AFAP1L2: variants seen among roughly 807,000 people sequenced by gnomAD.
The protein encoded by AFAP1L2 is actin filament associated protein 1 like 2.
In AFAP1L2, 46 loss-of-function variants were observed where a neutral mutation model predicts 99.3. The ratio of observed to expected loss-of-function variants is 0.46; its 90% CI spans 0.37 to 0.59. The LOEUF is 0.59. Ranked by LOEUF, AFAP1L2 falls within the 20% of genes least tolerant of loss-of-function variation. The pLI is 0.00. For missense variants in AFAP1L2, 959 were observed against 1,034.9 expected (o/e 0.93, Z 1.01); for synonymous variants, 397 against 419.1 (o/e 0.95, Z 0.64).
Position 114,300,602 on chromosome 10 carries a change from T to G in AFAP1L2, c.1631A>C (p.Lys544Thr). The change falls in exon 14 of 19, where the codon AAG becomes ACG. Residue 544 changes from lysine (K) to threonine (T), a missense_variant. Physicochemically the swap from Lys to Thr is moderately conservative, Grantham distance 78. Coordinates refer to ENST00000304129, the MANE Select transcript of AFAP1L2 (RefSeq NM_001001936.3). The stretch of plus-strand genomic sequence containing the variant: ...ACTGCTGGGGCCATGCAGAAAGGAC[T>G]TGACAGGTGTGAGGTCCAGGTACAC... ...DRVYLDLTPV[K>T]SFLHGPSSAQ... The G allele has an allele frequency of 6.2e-7, 1 of 1,614,180 alleles. No homozygotes were observed. Among genetic ancestry groups the G allele is most frequent in the Non-Finnish European group, 8.5e-7 (1 of 1,180,026 alleles).
the AFAP1L2 span, among the ~76,000 whole-genome samples, chr10:114,283,166 T>C: frequency 1.3e-5 from 2 of 152,210 alleles, no homozygotes; most frequent in Non-Finnish European, 2.9e-5. Flanking sequence ...GAAATTGCCC[T>C]TCAATGTGTA....
chr10:114,402,563 A>T (rs1405384488), intron 1 of AFAP1L2, among the ~76,000 whole-genome samples: 1 of 152,248 alleles, frequency 6.6e-6, no homozygotes, highest in East Asian at 1.9e-4. Context: ...TCAGGCAGAT[A>T]CATGTGTTAC....
chr10:114,353,010 A>C (rs1308188361), intron 1 of AFAP1L2, among the ~76,000 whole-genome samples: 4 of 152,162 alleles, frequency 2.6e-5, no homozygotes, highest in African/African-American at 9.7e-5. Context: ...ATATTTGTGG[A>C]ACTAAAACGC....
At chr10:114,355,516 C>A (rs901478917) in intron 1 of AFAP1L2, among the ~76,000 whole-genome samples, 5 of 151,430 alleles carry the variant, frequency 3.3e-5, no homozygotes, top group African/African-American at 1.2e-4. Flanking sequence ...GTGGGCTGTG[C>A]TGTCAATTCA....
intron 10 of AFAP1L2, 200 bp from the exon 11 acceptor site, chr10:114,305,130 C>CGGCGCTGCAGAAGGAGATGCAGAT (rs2041935131): frequency 2.8e-6 from 1 of 353,068 alleles, no homozygotes; most frequent in Non-Finnish European, 5.2e-6. Context: ...CAGGAGGGGA[C>CGGCGCTGCAGAAGGAGATGCAGAT]GCAGATGCAG....
chr10:114,371,648 T>G (rs10437495), intron 1 of AFAP1L2, among the ~76,000 whole-genome samples: 1 of 150,664 alleles, frequency 6.6e-6, no homozygotes, highest in African/African-American at 2.5e-5. Context: ...CATTACACAC[T>G]GGGGCCTGTT....
At chr10:114,404,899 TGGA>T (rs1295019960), upstream of AFAP1L2, 1 of 164,066 alleles carries the variant, frequency 6.1e-6, no homozygotes, top group African/African-American at 2.4e-5. Flanking sequence ...ACCCAATGCC[TGGA>T]GGAGGAGACC....
At chr10:114,357,176 C>T (rs938919680) in intron 1 of AFAP1L2, among the ~76,000 whole-genome samples, 26 of 152,178 alleles carry the variant, frequency 1.7e-4, no homozygotes, top group Admixed American at 5.2e-4. Context: ...GAATAGTTTG[C>T]ATTTGGCTCT....
At chr10:114,342,449 C>T (rs1364644858) in intron 1 of AFAP1L2, among the ~76,000 whole-genome samples, 1 of 152,212 alleles carries the variant, frequency 6.6e-6, no homozygotes, top group Non-Finnish European at 1.5e-5. Flanking sequence ...TATCCATGAC[C>T]TAACCCCTCA....
rs11819276 is a variant in AFAP1L2 at position 114,333,124 on chromosome 10, C to T, written c.220+97G>A. On this transcript the variant is annotated intron_variant, in intron 3 of 18. Transcript: ENST00000304129. ...AACTCCGCCAGGCGGGTCTGTGTGC[C>T]GGCTGGGAGGAAAGAGAGGTGGGAC... is the stretch of plus-strand genomic sequence containing the variant. 3.8e-4 allele frequency: 435 copies of T among 1,154,230 alleles called. 1 individual carries two copies. The African/African-American group carries it at 5.9e-3, about 16-fold the overall frequency. The allele number at this position is 1,154,230 out of a possible 1,614,324, so 71.5% of individuals were successfully genotyped here.
At position 114,361,800 on chromosome 10, in the gene AFAP1L2, G is replaced by A. The variant is rs77115067; in HGVS notation, c.17-21069C>T. Among the ~76,000 whole-genome samples, 689 of 152,222 alleles carry A rather than the reference G, an allele frequency of 4.5e-3. 9 individuals carry two copies. The highest frequency in any genetic ancestry group is 0.016 in the African/African-American group (657 of 41,550). On this transcript the variant is annotated intron_variant, in intron 1 of 18. Coordinates refer to ENST00000304129, the MANE Select transcript of AFAP1L2 (RefSeq NM_001001936.3). ...TTTGTCACTAAATAAAATGGGTATG[G>A]CCCTCTTGGAGTGTACATCCACATG...
chr10:114,281,306 C>G, the AFAP1L2 span: 3 of 152,316 alleles, frequency 2.0e-5, no homozygotes, highest in Middle Eastern at 3.1e-3. Flanking sequence ...GGAACCGCTC[C>G]TGTGACAGCA....
Position 114,322,955 on chromosome 10 carries a change from G to A in AFAP1L2, c.406+216C>T, listed in dbSNP as rs548603924. ...CTCATTCCTCCTTGCAGGACAGCTA[G>A]GTCTGCTGTGGGTCTTGGCTCCCCA... On this transcript the variant is annotated intron_variant, in intron 5 of 18. Transcript: ENST00000304129. Among the ~76,000 whole-genome samples, 2 of 152,328 alleles carry A rather than the reference G, an allele frequency of 1.3e-5. 1 individual carries two copies. Among genetic ancestry groups the A allele is most frequent in the South Asian group, 4.1e-4 (2 of 4,826 alleles).
intron 10 of AFAP1L2, 72 bp downstream of exon 10, chr10:114,307,733 C>T: frequency 7.5e-7 from 1 of 1,340,916 alleles, no homozygotes; most frequent in Non-Finnish European, 1.1e-6. Context: ...CCTTCGCTGT[C>T]TGAGCTCGCC....
chr10:114,330,953 G>C (rs1008812905), intron 4 of AFAP1L2, among the ~76,000 whole-genome samples: 1 of 152,122 alleles, frequency 6.6e-6, no homozygotes, highest in African/African-American at 2.4e-5. Flanking sequence ...ACTTAGCCAG[G>C]TCAGCAGGAG....
chr10:114,323,251 C>G lies in AFAP1L2; in HGVS notation c.326G>C (p.Arg109Pro). Residue 109 changes from arginine to proline, a missense_variant, in exon 5 of 19, where the codon CGG becomes CCG. By Grantham distance (103) the Arg-to-Pro change is moderately radical (BLOSUM62 -2). Coordinates refer to ENST00000304129, the MANE Select transcript of AFAP1L2 (RefSeq NM_001001936.3). ...CGTCTTTGGGATGGCAAGCTGTTTCCGTTCTGGAATCTGTGGTATGAACAA... is the reference window on the plus strand; with the variant it reads ...CGTCTTTGGGATGGCAAGCTGTTTCGGTTCTGGAATCTGTGGTATGAACAA... ...DLPPPKMIPE[R>P]KQLAIPKTES... 1 of 1,595,124 alleles carries G rather than the reference C, an allele frequency of 6.3e-7. No homozygotes were observed. Among genetic ancestry groups the G allele is most frequent in the South Asian group, 1.1e-5 (1 of 87,854 alleles).
chr10:114,297,227 C>T lies in AFAP1L2; in HGVS notation c.2300G>A (p.Ser767Asn). 1 of 1,430,452 alleles carries T rather than the reference C, an allele frequency of 7.0e-7. No homozygotes were observed. Among genetic ancestry groups the T allele is most frequent in the South Asian group, 1.1e-5 (1 of 88,790 alleles). The allele number at this position is 1,430,452 out of a possible 1,614,324, so 88.6% of individuals were successfully genotyped here. Residue 767 changes from serine to asparagine, a missense_variant, in exon 17 of 19, where the codon AGC becomes AAC. Physicochemically the swap from Ser to Asn is conservative, Grantham distance 46. Coordinates refer to ENST00000304129, the MANE Select transcript of AFAP1L2 (RefSeq NM_001001936.3). ...TVDTTHLENV[S>N]PRPKAVTPAS... Reference sequence around the variant, plus strand: ...CGCAGTTCCAGCACTCACGCGGGGGCTCACATTCTCCAGGTGGGTGGTGTC... The same window carrying T: ...CGCAGTTCCAGCACTCACGCGGGGGTTCACATTCTCCAGGTGGGTGGTGTC...
At chr10:114,386,603 T>C (rs1037582812) in intron 1 of AFAP1L2, among the ~76,000 whole-genome samples, 2 of 151,876 alleles carry the variant, frequency 1.3e-5, no homozygotes, top group African/African-American at 4.8e-5. Flanking sequence ...GTGAGATGAA[T>C]GTGTCCCAAG....
intron 1 of AFAP1L2, among the ~76,000 whole-genome samples, chr10:114,343,103 T>C (rs2049040065): frequency 6.6e-6 from 1 of 152,252 alleles, no homozygotes; most frequent in Non-Finnish European, 1.5e-5. Context: ...AATCCAGGTA[T>C]CTGGCAGGTC....
Sources: gnomAD v4.1 joint callset for allele counts (sites outside exome capture counted in the v4.1 genomes callset) on GRCh38, gnomAD v4.1.1 for gene constraint, MANE v1.5 for transcripts, NCBI Gene and HGNC (gene_info 2026-07-23, HGNC 2026-07-21) for gene names.